The following ZNF438 variants were observed in gnomAD, a reference collection of about 807,000 sequenced individuals.
The protein encoded by ZNF438 is zinc finger protein 438.
In ZNF438, 25 loss-of-function variants were observed where a neutral mutation model predicts 38.0. The ratio of observed to expected loss-of-function variants is 0.66; its 90% confidence interval spans 0.48 to 0.92. ZNF438 has a LOEUF of 0.92. Among genes scored for constraint, ZNF438 ranks in the 40% least tolerant of loss-of-function variants. The probability of loss-of-function intolerance (pLI) is 0.00; values close to 1 mark genes in which losing one functional copy is unlikely to be tolerated. For missense variants in ZNF438, 1,007 were observed against 999.6 expected, an observed-to-expected ratio of 1.01 and a Z score of -0.10; for synonymous variants, 372 against 364.1, an observed-to-expected ratio of 1.02 and a Z score of -0.25.
At chr10:30,894,163 T>C (rs1046516709) in intron 3 of ZNF438, among the ~76,000 whole-genome samples, 4 of 152,228 alleles carry the variant, frequency 2.6e-5, no homozygotes, top group Admixed American at 2.0e-4. Context: ...TACAGGGGTT[T>C]ATTTAAGAAG....
At chr10:30,896,381 T>C (rs73249054) in intron 3 of ZNF438, among the ~76,000 whole-genome samples, 1,816 of 151,410 alleles carry the variant, frequency 0.012, 43 homozygotes, top group African/African-American at 0.042. Flanking sequence ...GCATTTTTCA[T>C]AGTAGCCAAG....
At chr10:30,925,783 A>C (rs980174752) in intron 2 of ZNF438, among the ~76,000 whole-genome samples, 1 of 152,228 alleles carries the variant, frequency 6.6e-6, no homozygotes, top group Non-Finnish European at 1.5e-5. Flanking sequence ...TCCAAGGCCC[A>C]CATTATGGAA....
chr10:30,913,786 T>C (rs2043306196), intron 2 of ZNF438, among the ~76,000 whole-genome samples: 1 of 152,070 alleles, frequency 6.6e-6, no homozygotes, highest in South Asian at 2.1e-4. Context: ...TAGCAAATCT[T>C]CTGGAATAAG....
intron 1 of ZNF438, among the ~76,000 whole-genome samples, chr10:31,009,795 T>C (rs1206134501): frequency 6.6e-6 from 1 of 152,140 alleles, no homozygotes; most frequent in Non-Finnish European, 1.5e-5. Flanking sequence ...AACCTTGTTT[T>C]TGAGTACTGC....
chr10:30,872,425 C>CAAAA lies in ZNF438; in HGVS notation c.37+4569_37+4572dup, dbSNP rs566401687. On this transcript the variant is annotated intron_variant, in intron 4 of 5. Transcript: ENST00000413025. ...TGGGTGACAGAACAAGACTCTGTCT[C>CAAAA]AAAAAAAAAAAAAAAAAAAAAAAAA... 9.0e-4 allele frequency among the ~76,000 whole-genome samples: 53 copies of CAAAA among 58,692 alleles called. 5 individuals carry two copies. The highest frequency in any genetic ancestry group is 2.5e-3 in the East Asian group (4 of 1,602). 38.5% of individuals were successfully genotyped at this position (58,692 alleles called of 152,430 possible).
chr10:30,849,683 T>C (rs141824461), exon 5 of ZNF438: 1 of 1,614,186 alleles, frequency 6.2e-7, no homozygotes. Flanking sequence ...GCTTACAAAG[T>C]GTGCTTTCCC....
At chr10:30,986,253 A>C (rs938702754) in intron 1 of ZNF438, among the ~76,000 whole-genome samples, 2 of 152,212 alleles carry the variant, frequency 1.3e-5, no homozygotes, top group African/African-American at 4.8e-5. Context: ...CATAGCCAAC[A>C]GCACTATAAG....
At chr10:31,023,338 T>C (rs1352158499) in intron 1 of ZNF438, among the ~76,000 whole-genome samples, 1 of 151,794 alleles carries the variant, frequency 6.6e-6, no homozygotes, top group African/African-American at 2.4e-5. Flanking sequence ...AGAAAAAAAA[T>C]AGACATAACC....
At chr10:30,981,408 T>C (rs1018545896) in intron 1 of ZNF438, among the ~76,000 whole-genome samples, 2 of 152,334 alleles carry the variant, frequency 1.3e-5, no homozygotes, top group East Asian at 3.9e-4. Context: ...GCTTATATCA[T>C]GAACAAACAG....
intron 1 of ZNF438, among the ~76,000 whole-genome samples, chr10:31,016,872 C>T (rs757568752): frequency 1.3e-5 from 2 of 152,190 alleles, no homozygotes; most frequent in East Asian, 3.8e-4. Context: ...CATCCTTCTT[C>T]CCACTCTGAA....
intron 1 of ZNF438, among the ~76,000 whole-genome samples, chr10:30,942,908 G>A (rs984755294): frequency 6.6e-6 from 1 of 152,200 alleles, no homozygotes; most frequent in African/African-American, 2.4e-5. Flanking sequence ...AGAGCGCCCT[G>A]TCCTGCCTTT....
intron 4 of ZNF438, among the ~76,000 whole-genome samples, chr10:30,871,098 A>G (rs2037339063): frequency 6.6e-6 from 1 of 152,246 alleles, no homozygotes; most frequent in African/African-American, 2.4e-5. Flanking sequence ...CTACGATTAG[A>G]TAACAAGAAT....
At chr10:30,923,358 TG>T (rs2044541732) in intron 2 of ZNF438, 1 of 152,222 alleles carries the variant, frequency 6.6e-6, no homozygotes, top group African/African-American at 2.4e-5. Flanking sequence ...CTCCTTCCAA[TG>T]TTGTTTTCAT....
At chr10:31,007,847 C>T (rs1564840739) in intron 1 of ZNF438, among the ~76,000 whole-genome samples, 1 of 152,172 alleles carries the variant, frequency 6.6e-6, no homozygotes, top group Admixed American at 6.5e-5. Flanking sequence ...AGAATTTACT[C>T]AATGCCATGA....
chr10:31,001,822 G>A (rs1256575039), intron 1 of ZNF438, among the ~76,000 whole-genome samples: 1 of 152,092 alleles, frequency 6.6e-6, no homozygotes, highest in African/African-American at 2.4e-5. Context: ...TTGTATACCA[G>A]ACCCTGATGC....
intron 1 of ZNF438, among the ~76,000 whole-genome samples, chr10:31,027,261 A>T (rs2057004791): frequency 6.6e-6 from 1 of 152,166 alleles, no homozygotes; most frequent in South Asian, 2.1e-4. Flanking sequence ...AAATTTAATT[A>T]AAAAAAGAAT....
At chr10:30,962,222 T>C (rs1035130469) in intron 1 of ZNF438, among the ~76,000 whole-genome samples, 1 of 147,024 alleles carries the variant, frequency 6.8e-6, no homozygotes, top group Non-Finnish European at 1.5e-5. Context: ...TCTCAAACCT[T>C]ATTTTAGATA....
chr10:30,871,671 CA>C (rs1170936093), intron 4 of ZNF438, among the ~76,000 whole-genome samples: 1 of 152,082 alleles, frequency 6.6e-6, no homozygotes, highest in Non-Finnish European at 1.5e-5. Flanking sequence ...TTTATGTCTG[CA>C]AGACATAGAA....
At chr10:30,963,453 G>A (rs1256184467) in intron 1 of ZNF438, among the ~76,000 whole-genome samples, 4 of 146,786 alleles carry the variant, frequency 2.7e-5, no homozygotes. Context: ...ATCAAATTAT[G>A]ATATTTATCT....
Sources: allele counts gnomAD v4.1 joint callset (sites outside exome capture counted in the v4.1 genomes callset), GRCh38; gene constraint gnomAD v4.1.1; transcripts MANE v1.5; gene names NCBI Gene and HGNC (gene_info 2026-07-23, HGNC 2026-07-21).